The following TMEM132D variants were observed in gnomAD, a reference collection of about 807,000 sequenced individuals.
TMEM132D encodes the protein mature OL transmembrane protein.
TMEM132D carries 21 observed loss-of-function variants against 62.3 expected under a neutral mutation model. The ratio of observed to expected loss-of-function variants is 0.34; its 90% CI spans 0.24 to 0.49. TMEM132D has a LOEUF of 0.49. Ranked by LOEUF, TMEM132D falls within the 20% of genes least tolerant of loss-of-function variation. TMEM132D has a pLI of 0.99. For missense variants in TMEM132D, 1,346 were observed against 1,402.8 expected, an observed-to-expected ratio of 0.96 and a Z score of 0.65; for synonymous variants, 621 against 575.6, an observed-to-expected ratio of 1.08 and a Z score of -1.13.
At chr12:129,767,733 T>C (rs2084805) in intron 1 of TMEM132D, among the ~76,000 whole-genome samples, 144,203 of 152,332 alleles carry the variant, frequency 0.95, 68,534 homozygotes, top group Non-Finnish European at 1. Flanking sequence ...TATCCATTCA[T>C]CCATCAATGG....
At chr12:129,781,487 A>G (rs945589474) in intron 1 of TMEM132D, among the ~76,000 whole-genome samples, 5 of 152,238 alleles carry the variant, frequency 3.3e-5, no homozygotes, top group Non-Finnish European at 5.9e-5. Context: ...TAATAAGGTC[A>G]TCCAAAAATA....
Position 129,161,290 on chromosome 12 carries a change from T to C in TMEM132D, c.1443+48230A>G, listed in dbSNP as rs531798306. Among the ~76,000 whole-genome samples the C allele has an allele frequency of 2.0e-5, 3 of 152,350 alleles. No individual in the cohort carries two copies. The South Asian group carries it at 6.2e-4, about 32-fold the overall frequency. ...GTAAAAAGGACCTTGATTCCTTTTG[T>C]TTAAAATAATTCTGAAAACAAAATA... On this transcript the variant is annotated intron_variant, in intron 5 of 8. Transcript: ENST00000422113.
intron 3 of TMEM132D, among the ~76,000 whole-genome samples, chr12:129,494,314 G>T (rs1345446096): frequency 6.6e-6 from 1 of 152,178 alleles, no homozygotes; most frequent in Non-Finnish European, 1.5e-5. Flanking sequence ...AGAGGACTTA[G>T]ATATGCCTAA....
At chr12:129,338,955 A>C (rs1454161474) in intron 3 of TMEM132D, among the ~76,000 whole-genome samples, 1 of 152,028 alleles carries the variant, frequency 6.6e-6, no homozygotes, top group Non-Finnish European at 1.5e-5. Context: ...ACAGAGAAGG[A>C]GGGCGAGAGA....
At chr12:129,166,277 G>A (rs1877543860) in intron 5 of TMEM132D, among the ~76,000 whole-genome samples, 2 of 76,124 alleles carry the variant, frequency 2.6e-5, no homozygotes, top group Admixed American at 1.5e-4. Flanking sequence ...GGGGATGGGG[G>A]ACTGTGGGAA....
At chr12:129,092,161 G>T (rs1424592601) in intron 5 of TMEM132D, among the ~76,000 whole-genome samples, 7 of 152,160 alleles carry the variant, frequency 4.6e-5, no homozygotes, top group African/African-American at 1.7e-4. Context: ...TAATATTTCT[G>T]ACTCTGGTGT....
At chr12:129,382,844 GGCTGGTGGT>G (rs1870991561) in intron 3 of TMEM132D, among the ~76,000 whole-genome samples, 2 of 152,112 alleles carry the variant, frequency 1.3e-5, no homozygotes, top group African/African-American at 4.8e-5. Flanking sequence ...TTGATTTTAC[GGCTGGTGGT>G]GCTGTTGCGG....
At chr12:129,422,010 T>A (rs972565848) in intron 3 of TMEM132D, among the ~76,000 whole-genome samples, 3 of 151,084 alleles carry the variant, frequency 2.0e-5, no homozygotes, top group African/African-American at 7.3e-5. Flanking sequence ...CGCGGTCAAA[T>A]CCTTCCCCAT....
In TMEM132D at chr12:129,388,206, G is replaced by T. The variant is rs376938105; in HGVS notation, c.1116-50389C>A. The stretch of plus-strand genomic sequence containing the variant: ...TTAACACCAAGACCAATTCAGCACT[G>T]ATAATAATATTAACACTAACACGAA... On this transcript the variant is annotated intron_variant, in intron 3 of 8. Coordinates refer to ENST00000422113, the MANE Select transcript of TMEM132D (RefSeq NM_133448.3). Among the ~76,000 whole-genome samples, 4 of 125,176 alleles carry T rather than the reference G, an allele frequency of 3.2e-5. No homozygotes were observed. The East Asian group carries it at 8.2e-4, about 26-fold the overall frequency. The allele number at this position is 125,176 out of a possible 152,430, so 82.1% of individuals were successfully genotyped here.
At chr12:129,165,598 A>G (rs1034906474) in intron 5 of TMEM132D, among the ~76,000 whole-genome samples, 1 of 152,118 alleles carries the variant, frequency 6.6e-6, no homozygotes, top group Non-Finnish European at 1.5e-5. Context: ...CACTCTCCAC[A>G]TGTGTTCTCC....
intron 5 of TMEM132D, among the ~76,000 whole-genome samples, chr12:129,101,109 A>G (rs1280602152): frequency 3.3e-5 from 5 of 151,830 alleles, no homozygotes; most frequent in Non-Finnish European, 7.4e-5. Context: ...GCTCTGTGGC[A>G]CCAGTTGATG....
intron 5 of TMEM132D, among the ~76,000 whole-genome samples, chr12:129,182,130 G>A (rs73418215): frequency 0.049 from 7,487 of 152,230 alleles, 251 homozygotes; most frequent in African/African-American, 0.094. Context: ...GGGAGGCAGA[G>A]GTGAGTGGAT....
At chr12:129,265,889 A>T (rs1880678792) in intron 4 of TMEM132D, among the ~76,000 whole-genome samples, 1 of 151,984 alleles carries the variant, frequency 6.6e-6, no homozygotes, top group Non-Finnish European at 1.5e-5. Flanking sequence ...TGTAGCACAC[A>T]TCCCTCACAG....
chr12:129,380,405 C>A (rs535577412), intron 3 of TMEM132D, among the ~76,000 whole-genome samples: 1 of 152,210 alleles, frequency 6.6e-6, no homozygotes, highest in South Asian at 2.1e-4. Flanking sequence ...TTCACATGAT[C>A]ACGTAAGAAA....
intron 5 of TMEM132D, among the ~76,000 whole-genome samples, chr12:129,185,049 G>A (rs527249089): frequency 3.3e-5 from 5 of 152,290 alleles, no homozygotes; most frequent in Non-Finnish European, 5.9e-5. Context: ...ATCGTGAGCC[G>A]AGCTGAACCT....
At position 129,538,539 on chromosome 12, in the gene TMEM132D, A is replaced by C. The variant is rs73155268; in HGVS notation, c.969-7334T>G. On this transcript the variant is annotated intron_variant, in intron 2 of 8. Transcript: ENST00000422113. ...TGTATGAAACCATGGATAGTACTAA[A>C]CCCTATACATACTATGTTTTTTTTC... Among the ~76,000 whole-genome samples, 573 of 152,288 alleles carry C rather than the reference A, an allele frequency of 3.8e-3. 1 individual carries two copies. Among genetic ancestry groups the C allele is most frequent in the South Asian group, 8.3e-3 (40 of 4,822 alleles).
chr12:129,138,733 G>A (rs545965875), intron 5 of TMEM132D, among the ~76,000 whole-genome samples: 6 of 152,114 alleles, frequency 3.9e-5, no homozygotes, highest in Admixed American at 1.3e-4. Flanking sequence ...AAAGAAAGCT[G>A]GCTAGAACTT....
rs923193261 is a variant in TMEM132D, at chr12:129,780,768, C to T, written c.80-80070G>A. 2.6e-5 allele frequency among the ~76,000 whole-genome samples: 4 copies of T among 152,294 alleles called. No individual in the cohort carries two copies. In the South Asian group the frequency reaches 6.2e-4, roughly 24 times the overall value. On this transcript the variant is annotated intron_variant, in intron 1 of 8. Transcript: ENST00000422113. ...GGACCTCAGGGCCATTCATCCGGTA[C>T]CTTTTTACCATCATTAAATTGAAGA...
At chr12:129,269,088 G>A (rs895240444) in intron 4 of TMEM132D, among the ~76,000 whole-genome samples, 3 of 151,784 alleles carry the variant, frequency 2.0e-5, no homozygotes, top group South Asian at 2.1e-4. Context: ...GTTAATGGGT[G>A]CAGCACACCA....
Sources: allele counts gnomAD v4.1 joint callset (sites outside exome capture counted in the v4.1 genomes callset), GRCh38; gene constraint gnomAD v4.1.1; transcripts MANE v1.5; gene names NCBI Gene and HGNC (gene_info 2026-07-23, HGNC 2026-07-21).